The following RAPGEF5 variants were observed in gnomAD, a reference collection of about 807,000 sequenced individuals.
The protein encoded by RAPGEF5 is Rap guanine nucleotide exchange factor 5, also known as M-Ras-regulated GEF.
RAPGEF5 carries 65 observed loss-of-function variants against 125.2 expected under a neutral mutation model. That is an observed-to-expected ratio of 0.52 (90% CI 0.43 to 0.64). The LOEUF (loss-of-function observed/expected upper bound fraction) is 0.64, where lower values mean the gene tolerates loss of function less well. Ranked by LOEUF, RAPGEF5 falls within the 30% of genes least tolerant of loss-of-function variation. RAPGEF5 has a pLI of 0.00. For missense variants in RAPGEF5, 958 were observed against 1,048.1 expected (o/e 0.91, Z 1.19); for synonymous variants, 391 against 385.9 (o/e 1.01, Z -0.16).
At chr7:22,229,491 T>G (rs954668707) in intron 8 of RAPGEF5, among the ~76,000 whole-genome samples, 8 of 152,194 alleles carry the variant, frequency 5.3e-5, no homozygotes, top group African/African-American at 1.7e-4. Flanking sequence ...GGCAAATAGG[T>G]GCTCAAGCCA....
intron 11 of RAPGEF5, among the ~76,000 whole-genome samples, chr7:22,177,954 C>A (rs948022261): frequency 6.6e-6 from 1 of 152,060 alleles, no homozygotes. Flanking sequence ...GGTCTTAAAT[C>A]ACCAAAGATG....
intron 11 of RAPGEF5, among the ~76,000 whole-genome samples, chr7:22,171,609 C>T (rs923766317): frequency 3.9e-5 from 6 of 152,196 alleles, no homozygotes; most frequent in African/African-American, 7.2e-5. Flanking sequence ...AGTGATTCTC[C>T]GGCCTCAGCC....
intron 2 of RAPGEF5, 22 bp downstream of exon 2, chr7:22,317,965 G>A (rs1411163793): frequency 4.5e-6 from 7 of 1,546,516 alleles, no homozygotes; most frequent in Non-Finnish European, 6.1e-6. Flanking sequence ...AGAAAAGGCA[G>A]TAAAAGAGAA....
At chr7:22,297,403 G>A (rs1292535481) in intron 5 of RAPGEF5, among the ~76,000 whole-genome samples, 1 of 152,166 alleles carries the variant, frequency 6.6e-6, no homozygotes, top group Non-Finnish European at 1.5e-5. Flanking sequence ...TTTTTAAAAT[G>A]TTCCTTTCAA....
At chr7:22,332,985 C>T (rs77790273) in intron 1 of RAPGEF5, among the ~76,000 whole-genome samples, 293 of 152,270 alleles carry the variant, frequency 1.9e-3, no homozygotes, top group African/African-American at 6.5e-3. Flanking sequence ...CCAGGTCACA[C>T]AAACATATGT....
chr7:22,147,043 T>C lies in RAPGEF5; in HGVS notation c.1885-24A>G, dbSNP rs1050590647. On this transcript the variant is annotated intron_variant, in intron 18 of 25. Transcript: ENST00000665637. ...TTCTAAACCAACAGAAGCAAAAAGATCCTCAGTAATTCCCAAATGTTTTGC... is the reference window on the plus strand; with the variant it reads ...TTCTAAACCAACAGAAGCAAAAAGACCCTCAGTAATTCCCAAATGTTTTGC... The C allele has an allele frequency of 3.1e-6, 5 of 1,608,668 alleles. No homozygotes were observed. In the African/African-American group the frequency reaches 5.4e-5, roughly 17 times the overall value.
At chr7:22,208,888 CA>C (rs1785451837) in intron 9 of RAPGEF5, among the ~76,000 whole-genome samples, 1 of 152,142 alleles carries the variant, frequency 6.6e-6, no homozygotes, top group Non-Finnish European at 1.5e-5. Flanking sequence ...AGCTAAGATG[CA>C]AAAATCACAA....
At chr7:22,181,700 G>A (rs1446739992) in intron 11 of RAPGEF5, among the ~76,000 whole-genome samples, 1 of 152,070 alleles carries the variant, frequency 6.6e-6, no homozygotes, top group Non-Finnish European at 1.5e-5. Flanking sequence ...TTATTTTTGA[G>A]ATTCAAGGGA....
chr7:22,127,237 C>CATGAGG (rs1782777774), intron 24 of RAPGEF5, among the ~76,000 whole-genome samples: 1 of 152,008 alleles, frequency 6.6e-6, no homozygotes, highest in Non-Finnish European at 1.5e-5. Flanking sequence ...CAGGGTTTCA[C>CATGAGG]CATGTTCAAG....
In RAPGEF5 at chr7:22,186,352, G is replaced by T. The variant is rs1224577417; in HGVS notation, c.1204+7015C>A. 2.0e-5 allele frequency among the ~76,000 whole-genome samples: 3 copies of T among 152,192 alleles called. No individual in the cohort carries two copies. The East Asian group carries it at 5.8e-4, about 29-fold the overall frequency. ...AATTAAGTGTATTTCTTTTGATTCT[G>T]AACTTCGTTGCATTTGACCAGAAGT... On this transcript the variant is annotated intron_variant, in intron 11 of 25. Transcript: ENST00000665637.
intron 11 of RAPGEF5, among the ~76,000 whole-genome samples, chr7:22,188,336 T>C (rs1054125084): frequency 2.6e-5 from 4 of 152,192 alleles, no homozygotes; most frequent in Non-Finnish European, 4.4e-5. Flanking sequence ...ATTCTTAATT[T>C]TCCTCCATGA....
At chr7:22,220,266 G>C in intron 8 of RAPGEF5, 1 of 296,274 alleles carries the variant, frequency 3.4e-6, no homozygotes, top group Non-Finnish European at 6.3e-6. Flanking sequence ...GTGTGCGCCT[G>C]ATAGGCTCCT....
At chr7:22,249,053 T>C (rs896907721) in intron 7 of RAPGEF5, among the ~76,000 whole-genome samples, 1 of 152,238 alleles carries the variant, frequency 6.6e-6, no homozygotes, top group Non-Finnish European at 1.5e-5. Context: ...AAATGCTTCA[T>C]TTTTATTTAA....
At chr7:22,290,626 T>C (rs1370836935) in intron 6 of RAPGEF5, among the ~76,000 whole-genome samples, 5 of 150,312 alleles carry the variant, frequency 3.3e-5, no homozygotes, top group Admixed American at 6.6e-5. Context: ...GCGCCTGTAG[T>C]CCCAGCTACT....
intron 8 of RAPGEF5, among the ~76,000 whole-genome samples, chr7:22,222,745 T>C (rs1785822674): frequency 6.6e-6 from 1 of 152,198 alleles, no homozygotes; most frequent in African/African-American, 2.4e-5. Context: ...ATTGACATTT[T>C]AGCAGGATCA....
chr7:22,259,896 C>G (rs1782106656), intron 7 of RAPGEF5, among the ~76,000 whole-genome samples: 1 of 152,162 alleles, frequency 6.6e-6, no homozygotes, highest in Non-Finnish European at 1.5e-5. Flanking sequence ...CCACGCCCAG[C>G]CCAACATGGT....
chr7:22,171,234 C>A (rs1784340715), intron 11 of RAPGEF5, among the ~76,000 whole-genome samples: 1 of 152,124 alleles, frequency 6.6e-6, no homozygotes, highest in African/African-American at 2.4e-5. Context: ...CGACAATAGC[C>A]ATTTAGAAAG....
At chr7:22,240,772 C>T (rs1312568922) in intron 7 of RAPGEF5, among the ~76,000 whole-genome samples, 4 of 152,048 alleles carry the variant, frequency 2.6e-5, no homozygotes, top group Admixed American at 6.6e-5. Flanking sequence ...TGAGCAGCAA[C>T]GATTCCTAGA....
intron 7 of RAPGEF5, among the ~76,000 whole-genome samples, chr7:22,255,425 C>T (rs529084565): frequency 1.3e-5 from 2 of 151,528 alleles, no homozygotes; most frequent in African/African-American, 4.9e-5. Context: ...CCTATTTCTA[C>T]CAAAAAAAAA....
Sources: allele counts gnomAD v4.1 joint callset (sites outside exome capture counted in the v4.1 genomes callset), GRCh38; gene constraint gnomAD v4.1.1; transcripts MANE v1.5; gene names NCBI Gene and HGNC (gene_info 2026-07-23, HGNC 2026-07-21).